RAPGEF6: variants seen among roughly 807,000 people sequenced by gnomAD.
The protein encoded by RAPGEF6 is Rap guanine nucleotide exchange factor 6, also known as PDZ domain containing guanine nucleotide exchange factor (GEF) 2.
Under a neutral mutation model 171.4 loss-of-function variants are expected in RAPGEF6, and 56 were observed. That is an observed-to-expected ratio of 0.33 (90% CI 0.26 to 0.41). The LOEUF (loss-of-function observed/expected upper bound fraction) is 0.41. Ranked by LOEUF, RAPGEF6 falls within the 10% of genes least tolerant of loss-of-function variation. The probability of loss-of-function intolerance (pLI) is 1.00; values close to 1 mark genes in which losing one functional copy is unlikely to be tolerated. For missense variants in RAPGEF6, 1,674 were observed against 1,921.4 expected, an observed-to-expected ratio of 0.87 and a Z score of 2.41; for synonymous variants, 692 against 650.1, an observed-to-expected ratio of 1.06 and a Z score of -0.98.
chr5:131,535,175 A>G (rs191445565), intron 6 of RAPGEF6, among the ~76,000 whole-genome samples: 13 of 152,262 alleles, frequency 8.5e-5, no homozygotes, highest in African/African-American at 2.6e-4. Context: ...ATCATCTCAT[A>G]GTATCTTCGA....
intron 7 of RAPGEF6, chr5:131,511,400 T>C (rs965292565): frequency 6.6e-6 from 1 of 151,852 alleles, no homozygotes; most frequent in Admixed American, 6.6e-5. Context: ...AATATGAATA[T>C]TAGTGAAGAC....
At chr5:131,620,095 C>T (rs941125382) in intron 1 of RAPGEF6, among the ~76,000 whole-genome samples, 1 of 152,070 alleles carries the variant, frequency 6.6e-6, no homozygotes, top group African/African-American at 2.4e-5. Flanking sequence ...TGCTTTTTTT[C>T]AGTTTTTACT....
chr5:131,430,255 T>G (rs575507162), intron 26 of RAPGEF6, among the ~76,000 whole-genome samples: 1 of 152,126 alleles, frequency 6.6e-6, no homozygotes, highest in Admixed American at 6.5e-5. Context: ...AAAGCAGTTT[T>G]ATATCCACGT....
intron 1 of RAPGEF6, among the ~76,000 whole-genome samples, chr5:131,616,026 G>A (rs1363812081): frequency 1.3e-5 from 2 of 152,074 alleles, no homozygotes; most frequent in Non-Finnish European, 2.9e-5. Context: ...AAATACTGCA[G>A]AAATTGTCCA....
chr5:131,506,642 T>C (rs1757389280), intron 9 of RAPGEF6, among the ~76,000 whole-genome samples: 1 of 152,184 alleles, frequency 6.6e-6, no homozygotes, highest in Non-Finnish European at 1.5e-5. Flanking sequence ...ATATACTCAC[T>C]ACACAACTTG....
intron 11 of RAPGEF6, among the ~76,000 whole-genome samples, chr5:131,502,444 G>A (rs1166605687): frequency 3.9e-5 from 6 of 152,094 alleles, no homozygotes; most frequent in African/African-American, 1.5e-4. Flanking sequence ...TGGGCAGACA[G>A]ACACCAACAT....
At chr5:131,489,833 T>A (rs1035634671) in intron 14 of RAPGEF6, among the ~76,000 whole-genome samples, 179 bp from the exon 15 acceptor site, 3 of 152,112 alleles carry the variant, frequency 2.0e-5, no homozygotes, top group Admixed American at 1.3e-4. Flanking sequence ...TATTGTTGTA[T>A]TTTCCAAATT....
At chr5:131,501,327 C>CT (rs1360530873) in intron 11 of RAPGEF6, among the ~76,000 whole-genome samples, 90 of 145,562 alleles carry the variant, frequency 6.2e-4, no homozygotes, top group African/African-American at 2.2e-3. Flanking sequence ...CAGAGTGAGA[C>CT]TTTGTCTCCA....
intron 6 of RAPGEF6, among the ~76,000 whole-genome samples, chr5:131,537,092 T>C (rs1222882747): frequency 2.0e-5 from 3 of 152,202 alleles, no homozygotes; most frequent in South Asian, 4.1e-4. Context: ...GTCTGAGTAG[T>C]TGTTATTCCC....
At chr5:131,487,085 T>C (rs244733) in intron 15 of RAPGEF6, among the ~76,000 whole-genome samples, 118,532 of 152,004 alleles carry the variant, frequency 0.78, 46,550 homozygotes, top group African/African-American at 0.83. Context: ...AGAATGAAGA[T>C]GCAGACCTTC....
intron 15 of RAPGEF6, among the ~76,000 whole-genome samples, chr5:131,486,109 CAG>C: frequency 6.6e-6 from 1 of 152,326 alleles, no homozygotes; most frequent in Non-Finnish European, 1.5e-5. Context: ...ACATCCACTT[CAG>C]AGAGAGGTTT....
intron 4 of RAPGEF6, among the ~76,000 whole-genome samples, chr5:131,567,528 A>G (rs941554416): frequency 1.3e-5 from 2 of 152,206 alleles, no homozygotes; most frequent in African/African-American, 4.8e-5. Flanking sequence ...TTATTCATTT[A>G]CAAATGTTAT....
intron 3 of RAPGEF6, among the ~76,000 whole-genome samples, chr5:131,602,029 C>T (rs536371947): frequency 5.0e-4 from 52 of 104,742 alleles, no homozygotes; most frequent in African/African-American, 1.2e-3. Context: ...AGCGAGACTC[C>T]GTCTCAAAAA....
intron 4 of RAPGEF6, among the ~76,000 whole-genome samples, chr5:131,571,602 T>C (rs915153271): frequency 2.6e-5 from 4 of 152,224 alleles, no homozygotes; most frequent in African/African-American, 7.2e-5. Context: ...ACCTCATTCA[T>C]GGTTTAAAAG....
chr5:131,429,941 T>C (rs1356699970), intron 26 of RAPGEF6, among the ~76,000 whole-genome samples: 1 of 151,636 alleles, frequency 6.6e-6, no homozygotes, highest in South Asian at 2.1e-4. Flanking sequence ...TCCCAGCTAC[T>C]TGGGAGGCTG....
At chr5:131,559,631 T>C (rs530729686) in intron 5 of RAPGEF6, among the ~76,000 whole-genome samples, 1 of 151,522 alleles carries the variant, frequency 6.6e-6, no homozygotes, top group African/African-American at 2.4e-5. Flanking sequence ...GAGATCAGCC[T>C]GTGAAACATA....
At chr5:131,557,733 G>A (rs1441482394) in intron 5 of RAPGEF6, among the ~76,000 whole-genome samples, 7 of 152,112 alleles carry the variant, frequency 4.6e-5, no homozygotes, top group Non-Finnish European at 5.9e-5. Context: ...AACGGGTTCT[G>A]ATTATCAAGA....
chr5:131,472,785 G>C (rs773158445), intron 16 of RAPGEF6, 41 bp from the exon 17 acceptor site: 1 of 1,532,684 alleles, frequency 6.5e-7, no homozygotes, highest in Non-Finnish European at 9.0e-7. Flanking sequence ...GTATTTGAGA[G>C]TACTTAAGTA....
At chr5:131,623,477 C>CATTTTTTTTTTTTTTTTTTTTTTTT (rs1554088737) in intron 1 of RAPGEF6, among the ~76,000 whole-genome samples, 1 of 114,184 alleles carries the variant, frequency 8.8e-6, no homozygotes, top group Admixed American at 9.0e-5. Flanking sequence ...TTTCACATTG[C>CATTTTTTTTTTTTTTTTTTTTTTTT]TTTTTTTTTT....
Sources: allele counts gnomAD v4.1 joint callset (sites outside exome capture counted in the v4.1 genomes callset), GRCh38; gene constraint gnomAD v4.1.1; transcripts MANE v1.5; gene names NCBI Gene and HGNC (gene_info 2026-07-23, HGNC 2026-07-21).